Variants in FBLN7 observed in about 807,000 individuals in gnomAD.
FBLN7 encodes fibulin 7.
Under a neutral mutation model 44.0 loss-of-function variants are expected in FBLN7, and 31 were observed. The observed-to-expected ratio is 0.70, with a 90% CI of 0.53 to 0.95. The LOEUF is 0.95. FBLN7 is among the 40% of genes least tolerant of loss of function. The pLI is 0.00. For synonymous variants in FBLN7, 262 were observed against 253.4 expected (o/e 1.03, Z -0.32); for missense variants, 573 against 618.5 (o/e 0.93, Z 0.78).
chr2:112,230,623 C>A, the FBLN7 span: 1 of 179,224 alleles, frequency 5.6e-6, no homozygotes, highest in Non-Finnish European at 1.2e-5. Flanking sequence ...CAAACATAAG[C>A]AAAACTAAAT....
rs199704935 is a variant in FBLN7 at position 112,138,690 on chromosome 2, T to C, written c.35T>C (p.Leu12Pro). 3.0e-5 allele frequency: 48 copies of C among 1,613,368 alleles called. No homozygotes were observed. Among genetic ancestry groups the C allele is most frequent in the Non-Finnish European group, 3.8e-5 (45 of 1,179,884 alleles). The change falls in exon 1 of 8, where the codon CTG (leucine) becomes CCG (proline). Residue 12 changes from leucine to proline, a missense_variant. By Grantham distance (98) the Leu-to-Pro change is moderately conservative. Transcript: ENST00000331203. ...VPSSPRALFL[L>P]LLILACPEPR... The stretch of plus-strand genomic sequence containing the variant: ...AGCTCTCCGCGCGCGCTCTTCCTTC[T>C]GCTCCTGATCCTCGCCTGCCCCGAG...
intron 1 of FBLN7, among the ~76,000 whole-genome samples, chr2:112,140,824 G>A (rs1419898595): frequency 6.6e-6 from 1 of 152,222 alleles, no homozygotes; most frequent in African/African-American, 2.4e-5. Flanking sequence ...TTCCCGAGCC[G>A]GCGAGGCCCT....
At chr2:112,141,854 A>G (rs141612381) in intron 1 of FBLN7, among the ~76,000 whole-genome samples, 29 of 152,230 alleles carry the variant, frequency 1.9e-4, no homozygotes, top group African/African-American at 7.0e-4. Context: ...CACTTGTCAT[A>G]TGTTTGCAGC....
intron 1 of FBLN7, among the ~76,000 whole-genome samples, chr2:112,150,514 A>C (rs1377010157): frequency 6.6e-6 from 1 of 152,152 alleles, no homozygotes; most frequent in Admixed American, 6.5e-5. Flanking sequence ...TGCATGACAA[A>C]AAGAATCTAA....
At chr2:112,191,885 C>A (rs924188049), downstream of FBLN7, among the ~76,000 whole-genome samples, 6 of 152,160 alleles carry the variant, frequency 3.9e-5, no homozygotes, top group Non-Finnish European at 5.9e-5. Context: ...ATCTACAGAA[C>A]AAAATGTATT....
At chr2:112,219,880 T>G in the FBLN7 span, among the ~76,000 whole-genome samples, 13 of 152,196 alleles carry the variant, frequency 8.5e-5, no homozygotes, top group African/African-American at 2.9e-4. Flanking sequence ...TGTCTCCCAC[T>G]ATTATTGTGT....
At chr2:112,223,194 A>AC in the FBLN7 span, among the ~76,000 whole-genome samples, 2 of 152,180 alleles carry the variant, frequency 1.3e-5, no homozygotes, top group Non-Finnish European at 2.9e-5. Flanking sequence ...CCAACATGGC[A>AC]CATGTATACA....
chr2:112,228,409 T>A, the FBLN7 span, among the ~76,000 whole-genome samples: 1 of 150,812 alleles, frequency 6.6e-6, no homozygotes, highest in Admixed American at 6.6e-5. Flanking sequence ...TGCTGAGGCA[T>A]GAGAATCACT....
the FBLN7 span, among the ~76,000 whole-genome samples, chr2:112,208,027 G>T: frequency 6.6e-6 from 1 of 152,228 alleles, no homozygotes; most frequent in Admixed American, 6.5e-5. Flanking sequence ...AAAGTCTGTT[G>T]TATTGGGAAA....
intron 3 of FBLN7, among the ~76,000 whole-genome samples, chr2:112,166,154 G>C (rs984427222): frequency 6.6e-6 from 1 of 152,192 alleles, no homozygotes; most frequent in Non-Finnish European, 1.5e-5. Flanking sequence ...GGGTTCCAGC[G>C]ATTCTCCTGC....
Position 112,151,787 on chromosome 2 carries a change from G to A in FBLN7, c.76-7889G>A, listed in dbSNP as rs1172084408. ...ACCTAGGAGGGGATTGCAGCTGCTG[G>A]ATGCCATGTGTGTGGACCCCAAGCT... On this transcript the variant is annotated intron_variant, in intron 1 of 7. Transcript: ENST00000331203. The A allele has an allele frequency of 1.1e-4, 16 of 152,326 alleles. No homozygotes were observed. In the East Asian group the frequency reaches 2.3e-3, roughly 22 times the overall value. The allele number at this position is 152,326 out of a possible 1,614,324, so 9.4% of individuals were successfully genotyped here.
chr2:112,231,831 T>C, the FBLN7 span: 4 of 1,524,606 alleles, frequency 2.6e-6, no homozygotes, highest in Non-Finnish European at 3.6e-6. Context: ...TTAAAAATTA[T>C]ACTTACTTTA....
At chr2:112,233,425 T>TA in the FBLN7 span, 1 of 1,168,140 alleles carries the variant, frequency 8.6e-7, no homozygotes, top group South Asian at 1.4e-5. Context: ...GTCAAGTCAT[T>TA]ATGATTTAAT....
the FBLN7 span, among the ~76,000 whole-genome samples, chr2:112,201,770 A>G: frequency 6.6e-6 from 1 of 152,340 alleles, no homozygotes; most frequent in South Asian, 2.1e-4. Context: ...TCCTTCATGG[A>G]CTGAAATGAC....
the FBLN7 span, among the ~76,000 whole-genome samples, chr2:112,200,860 A>G: frequency 1.3e-5 from 2 of 152,118 alleles, no homozygotes; most frequent in East Asian, 1.9e-4. Flanking sequence ...TTAAAATCCT[A>G]TTTATTCTCT....
intron 2 of FBLN7, among the ~76,000 whole-genome samples, chr2:112,163,305 C>T (rs999796618): frequency 2.0e-5 from 3 of 152,244 alleles, no homozygotes; most frequent in Non-Finnish European, 4.4e-5. Context: ...CTGATCAGTG[C>T]ATCCTCATGG....
the FBLN7 span, among the ~76,000 whole-genome samples, chr2:112,243,489 T>C: frequency 5.8e-4 from 89 of 152,344 alleles, no homozygotes; most frequent in African/African-American, 1.9e-3. Flanking sequence ...TAAAGTCTTA[T>C]TATATATCAG....
the FBLN7 span, among the ~76,000 whole-genome samples, chr2:112,224,617 T>C: frequency 1.3e-5 from 2 of 152,196 alleles, no homozygotes; most frequent in African/African-American, 2.4e-5. Context: ...TAAACAAGTA[T>C]ATCCATACAA....
intron 4 of FBLN7, chr2:112,176,365 T>A (rs1340868465): frequency 6.6e-6 from 1 of 152,480 alleles, no homozygotes; most frequent in Non-Finnish European, 1.5e-5. Flanking sequence ...TGGTTTTGCA[T>A]ATGGCAAGAA....
Sources: gnomAD v4.1 joint callset for allele counts (sites outside exome capture counted in the v4.1 genomes callset) on GRCh38, gnomAD v4.1.1 for gene constraint, MANE v1.5 for transcripts, NCBI Gene and HGNC (gene_info 2026-07-23, HGNC 2026-07-21) for gene names.